Variants in PSMB2 observed in about 807,000 individuals in gnomAD.
PSMB2 encodes the protein proteasome subunit beta type-2.
In PSMB2, 13 loss-of-function variants were observed where a neutral mutation model predicts 25.7. That is an observed-to-expected ratio of 0.51 (90% CI 0.33 to 0.80). PSMB2 has a LOEUF of 0.80. PSMB2 is among the 30% of genes least tolerant of loss of function. PSMB2 has a pLI of 0.02. For missense variants in PSMB2, 202 were observed against 259.0 expected, an observed-to-expected ratio of 0.78 and a Z score of 1.51; for synonymous variants, 87 against 96.2, an observed-to-expected ratio of 0.90 and a Z score of 0.56.
Position 35,600,154 on chromosome 1 carries a change from A to C in PSMB2, c.*3113T>G, listed in dbSNP as rs1460050619. ...CAAGACCCTGTCTCTGAAAAACAAC[A>C]ATAAAAAATTATAATAAAATTAAAA... On this transcript the variant is annotated 3_prime_UTR_variant, in exon 6 of 6. Coordinates refer to ENST00000373237, the MANE Select transcript of PSMB2 (RefSeq NM_002794.5). 2.0e-6 allele frequency: 2 copies of C among 977,260 alleles called. No homozygotes were observed. Among genetic ancestry groups the C allele is most frequent in the Admixed American group, 6.2e-5 (1 of 16,256 alleles). The allele number at this position is 977,260 out of a possible 1,614,324, so 60.5% of individuals were successfully genotyped here.
Position 35,600,071 on chromosome 1 carries a change from G to C in PSMB2, c.*3196C>G, listed in dbSNP as rs1649945346. 1 of 756,398 alleles carries C rather than the reference G, an allele frequency of 1.3e-6. No homozygotes were observed. The highest frequency in any genetic ancestry group is 1.6e-6 in the Non-Finnish European group (1 of 621,364). The allele number at this position is 756,398 out of a possible 1,614,324, so 46.9% of individuals were successfully genotyped here. A position where few individuals can be genotyped will look rare whatever the true frequency, so the allele number is the denominator to read the frequency against. ...GGTTCACTTGAGCCCAGGAGTTCAA[G>C]TGAACTTACTGCAGTAAGCTACGAT... On this transcript the variant is annotated 3_prime_UTR_variant, in exon 6 of 6. Transcript: ENST00000373237.
chr1:35,627,648 C>T (rs945941536), intron 3 of PSMB2, among the ~76,000 whole-genome samples: 1 of 149,914 alleles, frequency 6.7e-6, no homozygotes, highest in African/African-American at 2.5e-5. Context: ...GATCCTGTCT[C>T]AAAAAAAAAG....
At position 35,600,656 on chromosome 1, in the gene PSMB2, C is replaced by T. The variant is rs953974601; in HGVS notation, c.*2611G>A. The T allele has an allele frequency of 9.1e-6, 9 of 985,248 alleles. 1 individual carries two copies. The South Asian group carries it at 3.8e-4, about 41-fold the overall frequency. 61.0% of individuals were successfully genotyped at this position (985,248 alleles called of 1,614,324 possible). ...CTTTAGACATACTGAGTTCGATGTC[C>T]CTAAATCTGGAGGGTGAGCTATCTA... On this transcript the variant is annotated 3_prime_UTR_variant, in exon 6 of 6. Transcript: ENST00000373237.
In PSMB2 at chr1:35,631,487, TA is replaced by T. The variant is rs890671305; in HGVS notation, c.215-144del. The T allele has an allele frequency of 4.1e-6, 6 of 1,467,352 alleles. No individual in the cohort carries two copies. The Admixed American group carries it at 1.5e-4, about 37-fold the overall frequency. The allele number at this position is 1,467,352 out of a possible 1,614,324, so 90.9% of individuals were successfully genotyped here. ...AAGCATAGACTGAGGGGTACAATCC[TA>T]CTCTAGTCCCTTTCCTCATGCAACA... is the stretch of plus-strand genomic sequence containing the variant. On this transcript the variant is annotated intron_variant, in intron 2 of 5. Coordinates refer to ENST00000373237, the MANE Select transcript of PSMB2 (RefSeq NM_002794.5).
At chr1:35,633,670 G>GAA (rs1264494158) in intron 2 of PSMB2, among the ~76,000 whole-genome samples, 37 of 152,008 alleles carry the variant, frequency 2.4e-4, no homozygotes, top group Admixed American at 2.1e-3. Flanking sequence ...GGAACCACTG[G>GAA]AAAAAAAAGC....
At chr1:35,605,793 T>C (rs1359017793) in intron 4 of PSMB2, among the ~76,000 whole-genome samples, 6 of 152,200 alleles carry the variant, frequency 3.9e-5, no homozygotes, top group Non-Finnish European at 7.3e-5. Context: ...CCAAAGGAAC[T>C]GTCTGTGGGC....
chr1:35,632,934 G>A (rs1651144732), intron 2 of PSMB2, among the ~76,000 whole-genome samples: 1 of 151,620 alleles, frequency 6.6e-6, no homozygotes, highest in African/African-American at 2.4e-5. Context: ...TTTAAAAAAA[G>A]AGGCCAGGCA....
chr1:35,627,896 C>T lies in PSMB2; in HGVS notation c.285+3378G>A, dbSNP rs143295812. 1.3e-4 allele frequency among the ~76,000 whole-genome samples: 20 copies of T among 152,160 alleles called. No homozygotes were observed. The East Asian group carries it at 3.9e-3, about 29-fold the overall frequency. ...TTATATACTCAGTGGTAGTAAATGT[C>T]CTCCCAACCAAACCACCACACATAC... On this transcript the variant is annotated intron_variant, in intron 3 of 5. Transcript: ENST00000373237.
intron 3 of PSMB2, among the ~76,000 whole-genome samples, chr1:35,623,031 A>G (rs1426491720): frequency 6.6e-6 from 1 of 152,160 alleles, no homozygotes; most frequent in East Asian, 1.9e-4. Context: ...TAGTAGAAAA[A>G]CACTATAAGC....
chr1:35,608,171 C>A (rs1380771276), intron 4 of PSMB2, among the ~76,000 whole-genome samples: 2 of 152,092 alleles, frequency 1.3e-5, no homozygotes, highest in Non-Finnish European at 2.9e-5. Flanking sequence ...TCTGGACCAG[C>A]CTGGCCAACA....
intron 2 of PSMB2, among the ~76,000 whole-genome samples, chr1:35,633,059 A>G (rs1651147471): frequency 6.6e-6 from 1 of 152,098 alleles, no homozygotes; most frequent in Non-Finnish European, 1.5e-5. Flanking sequence ...GTCTCTACTT[A>G]AAATACAAAA....
At position 35,599,602 on chromosome 1, in the gene PSMB2, C is replaced by T. The variant is rs550454942; in HGVS notation, c.*3665G>A. On this transcript the variant is annotated 3_prime_UTR_variant, in exon 6 of 6. Transcript: ENST00000373237. ...GGGAAAGGAAGTGGGGAGTTAGGTT[C>T]GGAGAGGATTATGGAATGCCTAGCA... 2.0e-6 allele frequency: 2 copies of T among 984,766 alleles called. No individual in the cohort carries two copies. Among genetic ancestry groups the T allele is most frequent in the Non-Finnish European group, 2.4e-6 (2 of 829,452 alleles). 61.0% of individuals were successfully genotyped at this position (984,766 alleles called of 1,614,324 possible). A position where few individuals can be genotyped will look rare whatever the true frequency, so the allele number is the denominator to read the frequency against.
At position 35,600,736 on chromosome 1, in the gene PSMB2, G is replaced by A; in HGVS notation, c.*2531C>T. 3 of 985,432 alleles carry A rather than the reference G, an allele frequency of 3.0e-6. No homozygotes were observed. Among genetic ancestry groups the A allele is most frequent in the East Asian group, 1.1e-4 (1 of 8,814 alleles). 61.0% of individuals were successfully genotyped at this position (985,432 alleles called of 1,614,324 possible). ...AGATCCAGATTGGCAAAAAAACACT[G>A]AGAGTCAGGATGGGTTTGCAGGCTT... On this transcript the variant is annotated 3_prime_UTR_variant, in exon 6 of 6. Transcript: ENST00000373237.
At chr1:35,622,550 T>C (rs1650719723) in intron 3 of PSMB2, among the ~76,000 whole-genome samples, 1 of 152,132 alleles carries the variant, frequency 6.6e-6, no homozygotes, top group Non-Finnish European at 1.5e-5. Context: ...CCATTGTGGA[T>C]AGGAAAGATG....
chr1:35,641,160 G>A (rs1025533778), intron 1 of PSMB2, among the ~76,000 whole-genome samples, 182 bp downstream of exon 1: 3 of 152,056 alleles, frequency 2.0e-5, no homozygotes, highest in South Asian at 2.1e-4. Flanking sequence ...ATTGCACTCC[G>A]GCCTGGACAA....
chr1:35,609,305 G>A lies in PSMB2; in HGVS notation c.389C>T (p.Ala130Val), dbSNP rs76784186. 7.0e-4 allele frequency: 1,130 copies of A among 1,613,294 alleles called. 12 individuals are homozygous for A. The African/African-American group carries it at 0.014, about 20-fold the overall frequency. The stretch of plus-strand genomic sequence containing the variant: ...CAGGAAGGCACCATAGCCGTGGGCT[G>A]CAAAAGGGGCCTTGGCCAAGGCTGC... ...YLAALAKAPF[A>V]AHGYGAFLTL... Residue 130 changes from alanine (A) to valine (V), a missense_variant, in exon 4 of 6, where the codon GCA (alanine) becomes GTA (valine). Transcript: ENST00000373237.
At position 35,627,297 on chromosome 1, in the gene PSMB2, C is replaced by T. The variant is rs1650895460; in HGVS notation, c.285+3977G>A. ...AAAAAAAAAAAGCACAACAAATGAT[C>T]CCTCACGAAAAACTAACTTATAGCC... On this transcript the variant is annotated intron_variant, in intron 3 of 5. Coordinates refer to ENST00000373237, the MANE Select transcript of PSMB2 (RefSeq NM_002794.5). Among the ~76,000 whole-genome samples, 4 of 148,400 alleles carry T rather than the reference C, an allele frequency of 2.7e-5. No homozygotes were observed. In the South Asian group the frequency reaches 8.6e-4, roughly 32 times the overall value.
chr1:35,606,785 A>C (rs1436835647), intron 4 of PSMB2, among the ~76,000 whole-genome samples: 4 of 152,218 alleles, frequency 2.6e-5, no homozygotes, highest in Non-Finnish European at 5.9e-5. Context: ...TGATACCACT[A>C]CCAGACTTCA....
At position 35,603,045 on chromosome 1, in the gene PSMB2, C is replaced by T. The variant is rs1650051402; in HGVS notation, c.*222G>A. ...TACTGAGCGTTAATGGAGGGCGGAGCAGGAAGAAAAGTCAGACCTGGCAAA... is the reference window on the plus strand; with the variant it reads ...TACTGAGCGTTAATGGAGGGCGGAGTAGGAAGAAAAGTCAGACCTGGCAAA... On this transcript the variant is annotated 3_prime_UTR_variant, in exon 6 of 6. Transcript: ENST00000373237. 1 of 1,304,954 alleles carries T rather than the reference C, an allele frequency of 7.7e-7. No individual in the cohort carries two copies. Among genetic ancestry groups the T allele is most frequent in the African/African-American group, 1.5e-5 (1 of 66,626 alleles). 80.8% of individuals were successfully genotyped at this position (1,304,954 alleles called of 1,614,324 possible). A position where few individuals can be genotyped will look rare whatever the true frequency, so the allele number is the denominator to read the frequency against.
Sources: allele counts gnomAD v4.1 joint callset (sites outside exome capture counted in the v4.1 genomes callset), GRCh38; gene constraint gnomAD v4.1.1; transcripts MANE v1.5; gene names NCBI Gene and HGNC (gene_info 2026-07-23, HGNC 2026-07-21).